The following NPNT variants were observed in gnomAD, a reference collection of about 807,000 sequenced individuals.
The protein encoded by NPNT is preosteoblast EGF-like repeat protein with MAM domain.
A neutral mutation model predicts 68.6 loss-of-function variants in NPNT; 45 were observed. The observed-to-expected ratio is 0.66, with a 90% CI of 0.52 to 0.84. NPNT has a LOEUF of 0.84. Ranked by LOEUF, NPNT falls within the 40% of genes least tolerant of loss-of-function variation. The pLI, the probability that NPNT is intolerant of heterozygous loss-of-function variation, is 0.00. For missense variants in NPNT, 672 were observed against 714.8 expected (o/e 0.94, Z 0.68); for synonymous variants, 233 against 253.3 (o/e 0.92, Z 0.76).
intron 8 of NPNT, among the ~76,000 whole-genome samples, chr4:105,953,032 G>A (rs1359490415): frequency 6.6e-6 from 1 of 152,124 alleles, no homozygotes; most frequent in Non-Finnish European, 1.5e-5. Context: ...CAGGGGTGGT[G>A]GTGCACACCT....
intron 2 of NPNT, among the ~76,000 whole-genome samples, chr4:105,903,324 C>T (rs939366242): frequency 2.0e-5 from 3 of 152,144 alleles, no homozygotes; most frequent in African/African-American, 7.2e-5. Flanking sequence ...ATTAGTGAAG[C>T]TCAATGATTC....
intron 3 of NPNT, chr4:105,932,509 C>A: frequency 1.5e-6 from 1 of 668,888 alleles, no homozygotes; most frequent in Non-Finnish European, 2.6e-6. Flanking sequence ...TTTTTAAACT[C>A]TACCAACTGT....
intron 3 of NPNT, among the ~76,000 whole-genome samples, chr4:105,935,997 G>A (rs2149366629): frequency 6.6e-6 from 1 of 152,238 alleles, no homozygotes; most frequent in Admixed American, 6.5e-5. Context: ...TTATGCTGGT[G>A]GTTCCAGACA....
intron 2 of NPNT, among the ~76,000 whole-genome samples, chr4:105,921,486 T>G (rs569272379): frequency 6.6e-6 from 1 of 152,338 alleles, no homozygotes; most frequent in African/African-American, 2.4e-5. Context: ...TCTGTATTCA[T>G]GAGGGCATTT....
At chr4:105,936,444 T>G (rs1306931595) in intron 3 of NPNT, among the ~76,000 whole-genome samples, 1 of 39,248 alleles carries the variant, frequency 2.5e-5, no homozygotes, top group Non-Finnish European at 7.5e-5. Context: ...TATGTAGCCT[T>G]CCTTTGGGAA....
intron 2 of NPNT, among the ~76,000 whole-genome samples, chr4:105,901,229 CA>C (rs1311272900): frequency 6.6e-6 from 1 of 152,072 alleles, no homozygotes; most frequent in African/African-American, 2.4e-5. Flanking sequence ...AATTGTTAAC[CA>C]AAAGCACTAG....
At chr4:105,967,806 T>C (rs1273785132) in intron 11 of NPNT, among the ~76,000 whole-genome samples, 1 of 152,144 alleles carries the variant, frequency 6.6e-6, no homozygotes, top group Admixed American at 6.5e-5. Flanking sequence ...CCTTTCCTTT[T>C]AATTCCTTAG....
intron 3 of NPNT, among the ~76,000 whole-genome samples, chr4:105,934,251 G>A (rs1237741470): frequency 6.6e-6 from 1 of 152,130 alleles, no homozygotes; most frequent in Admixed American, 6.6e-5. Context: ...AATGAACACA[G>A]CATTTATAGA....
chr4:105,910,070 A>G (rs1046861842), intron 2 of NPNT, among the ~76,000 whole-genome samples: 2 of 152,196 alleles, frequency 1.3e-5, no homozygotes, highest in Non-Finnish European at 2.9e-5. Flanking sequence ...TGGATTAAAA[A>G]AAAAAAAGGC....
intron 2 of NPNT, among the ~76,000 whole-genome samples, chr4:105,924,308 A>G (rs1728512847): frequency 6.6e-6 from 1 of 152,188 alleles, no homozygotes; most frequent in South Asian, 2.1e-4. Flanking sequence ...CAAATGTTTG[A>G]TACGTATTTA....
intron 2 of NPNT, among the ~76,000 whole-genome samples, chr4:105,922,157 G>A (rs1728306673): frequency 6.6e-6 from 1 of 151,860 alleles, no homozygotes; most frequent in Non-Finnish European, 1.5e-5. Flanking sequence ...GATTGGATTG[G>A]CTTTTGCCTT....
At chr4:105,909,284 A>G (rs1298984410) in intron 2 of NPNT, among the ~76,000 whole-genome samples, 1 of 152,154 alleles carries the variant, frequency 6.6e-6, no homozygotes, top group Non-Finnish European at 1.5e-5. Context: ...GACATAGATA[A>G]TGGTGGTTTC....
At chr4:105,922,747 G>GACA (rs1328479387) in intron 2 of NPNT, among the ~76,000 whole-genome samples, 14 of 152,124 alleles carry the variant, frequency 9.2e-5, no homozygotes. Context: ...AGGTTATTTT[G>GACA]AGGGCACTTT....
intron 2 of NPNT, among the ~76,000 whole-genome samples, chr4:105,914,163 A>G (rs1727599131): frequency 6.6e-6 from 1 of 151,060 alleles, no homozygotes; most frequent in Non-Finnish European, 1.5e-5. Flanking sequence ...AAGAGGATCA[A>G]GGAAGACTTC....
At chr4:105,936,640 G>A (rs968958719) in intron 3 of NPNT, among the ~76,000 whole-genome samples, 1 of 152,224 alleles carries the variant, frequency 6.6e-6, no homozygotes, top group Non-Finnish European at 1.5e-5. Context: ...ATTGGATCTA[G>A]CAATAGAACC....
At chr4:105,919,416 T>C (rs1197285363) in intron 2 of NPNT, among the ~76,000 whole-genome samples, 2 of 152,112 alleles carry the variant, frequency 1.3e-5, no homozygotes, top group African/African-American at 2.4e-5. Flanking sequence ...AAATTTAGTA[T>C]TGATATAATA....
At chr4:105,895,853 C>A in intron 1 of NPNT, 130 bp downstream of exon 1, 1 of 786,656 alleles carries the variant, frequency 1.3e-6, no homozygotes, top group Non-Finnish European at 2.1e-6. Flanking sequence ...TGGGCCACCG[C>A]ACAGCGTGGC....
chr4:105,959,549 G>A (rs1207217442), intron 10 of NPNT, among the ~76,000 whole-genome samples: 1 of 143,032 alleles, frequency 7.0e-6, no homozygotes, highest in Non-Finnish European at 1.5e-5. Context: ...TAAGATTTGA[G>A]TGGTAGTAGA....
rs1309325069 is a variant in NPNT at position 105,942,481 on chromosome 4, A to T, written c.938A>T (p.Lys313Met). ...ATCATTACCAACAGGCCTACTTCTA[A>T]GCCAACAACAAGACCTACACCAAAG... ...PPIITNRPTS[K>M]PTTRPTPKPT... is the part of the protein sequence containing the mutation. Residue 313 changes from lysine to methionine, a missense_variant, in exon 8 of 12, where the codon AAG becomes ATG. Physicochemically the swap from Lys to Met is moderately conservative, Grantham distance 95 (BLOSUM62 -1). Transcript: ENST00000379987. 1 of 1,613,412 alleles carries T rather than the reference A, an allele frequency of 6.2e-7. No individual in the cohort carries two copies. Among genetic ancestry groups the T allele is most frequent in the Non-Finnish European group, 8.5e-7 (1 of 1,179,788 alleles).
Sources: allele counts gnomAD v4.1 joint callset (sites outside exome capture counted in the v4.1 genomes callset), GRCh38; gene constraint gnomAD v4.1.1; transcripts MANE v1.5; gene names NCBI Gene and HGNC (gene_info 2026-07-23, HGNC 2026-07-21).